ZBTB7C: variants seen among roughly 807,000 people sequenced by gnomAD.
ZBTB7C encodes the protein zinc finger and BTB domain-containing protein 7C.
A neutral mutation model predicts 25.7 loss-of-function variants in ZBTB7C; 8 were observed. The observed-to-expected ratio is 0.31, with a 90% CI of 0.18 to 0.56. The LOEUF (loss-of-function observed/expected upper bound fraction) is 0.56, where lower values mean the gene tolerates loss of function less well. Among genes scored for constraint, ZBTB7C ranks in the 20% least tolerant of loss-of-function variants. ZBTB7C has a pLI of 0.91. For missense variants in ZBTB7C, 824 were observed against 855.2 expected (o/e 0.96, Z 0.46); for synonymous variants, 394 against 369.0 (o/e 1.07, Z -0.78).
At chr18:48,353,161 G>C (rs533229087) in intron 1 of ZBTB7C, among the ~76,000 whole-genome samples, 15 of 152,180 alleles carry the variant, frequency 9.9e-5, no homozygotes, top group Non-Finnish European at 1.8e-4. Flanking sequence ...AACTCTGGGA[G>C]ATAGGTATGG....
chr18:48,388,241 CCTT>C (rs1452410444), intron 1 of ZBTB7C, among the ~76,000 whole-genome samples: 1 of 152,176 alleles, frequency 6.6e-6, no homozygotes, highest in Admixed American at 6.5e-5. Context: ...TCTCTGGTGT[CCTT>C]CTGCTGAACA....
At chr18:48,366,869 G>A (rs1034646876) in intron 1 of ZBTB7C, among the ~76,000 whole-genome samples, 1 of 152,012 alleles carries the variant, frequency 6.6e-6, no homozygotes, top group African/African-American at 2.4e-5. Context: ...ATGTGAAAGG[G>A]CACACATACA....
chr18:48,144,143 G>A (rs1451046774), intron 3 of ZBTB7C, among the ~76,000 whole-genome samples: 1 of 152,062 alleles, frequency 6.6e-6, no homozygotes, highest in African/African-American at 2.4e-5. Flanking sequence ...GCTGGACGTG[G>A]TGGTGCCTGC....
At chr18:48,265,718 G>A (rs896162030) in intron 2 of ZBTB7C, among the ~76,000 whole-genome samples, 5 of 152,286 alleles carry the variant, frequency 3.3e-5, no homozygotes, top group Middle Eastern at 3.4e-3. Context: ...AACCCTAAAT[G>A]AGGGGCACTT....
At chr18:48,246,667 C>A (rs1295280736) in intron 2 of ZBTB7C, among the ~76,000 whole-genome samples, 1 of 151,926 alleles carries the variant, frequency 6.6e-6, no homozygotes, top group African/African-American at 2.4e-5. Context: ...TAGGCATATC[C>A]TGTTAAACTA....
chr18:48,230,420 T>A (rs956370343), intron 2 of ZBTB7C, among the ~76,000 whole-genome samples: 4 of 151,448 alleles, frequency 2.6e-5, no homozygotes, highest in Non-Finnish European at 5.9e-5. Context: ...CCCTGTGTAT[T>A]CCTTTTCCTT....
At chr18:48,152,698 A>G (rs1322890141) in intron 3 of ZBTB7C, among the ~76,000 whole-genome samples, 3 of 152,230 alleles carry the variant, frequency 2.0e-5, no homozygotes, top group African/African-American at 7.2e-5. Context: ...TGGTGCAGTG[A>G]TGAAGTCAGT....
chr18:48,229,824 G>A (rs548821924), intron 2 of ZBTB7C, among the ~76,000 whole-genome samples: 3 of 152,134 alleles, frequency 2.0e-5, no homozygotes, highest in Non-Finnish European at 2.9e-5. Context: ...TCCAAGGAGC[G>A]GGGCAGGTGT....
chr18:48,145,250 A>G (rs1158999060), intron 3 of ZBTB7C, among the ~76,000 whole-genome samples: 1 of 152,156 alleles, frequency 6.6e-6, no homozygotes, highest in African/African-American at 2.4e-5. Context: ...TAGAACTTCA[A>G]TGACTTTCAA....
intron 3 of ZBTB7C, among the ~76,000 whole-genome samples, chr18:48,146,633 T>G (rs758804123): frequency 2.6e-5 from 4 of 152,246 alleles, no homozygotes; most frequent in Non-Finnish European, 5.9e-5. Context: ...GATCTAGAAC[T>G]GATTTTTAGA....
intron 1 of ZBTB7C, among the ~76,000 whole-genome samples, chr18:48,388,698 A>G (rs1440584524): frequency 5.3e-5 from 8 of 152,164 alleles, no homozygotes; most frequent in Admixed American, 5.2e-4. Flanking sequence ...ACAGTGAAAC[A>G]TGATTGCACC....
chr18:48,107,752 C>G (rs2039085731), intron 3 of ZBTB7C, among the ~76,000 whole-genome samples: 1 of 152,116 alleles, frequency 6.6e-6, no homozygotes, highest in South Asian at 2.1e-4. Flanking sequence ...AAATAACAAT[C>G]TGGGGTCACC....
At chr18:48,068,487 G>A (rs984918657) in intron 3 of ZBTB7C, among the ~76,000 whole-genome samples, 1 of 143,366 alleles carries the variant, frequency 7.0e-6, no homozygotes, top group Non-Finnish European at 1.5e-5. Flanking sequence ...CACCTCAGAA[G>A]CTGTTAAAAA....
At chr18:48,220,557 C>T (rs956289254) in intron 2 of ZBTB7C, among the ~76,000 whole-genome samples, 4 of 152,142 alleles carry the variant, frequency 2.6e-5, no homozygotes, top group East Asian at 1.9e-4. Context: ...TTCTCCTACA[C>T]GTGGGCCTGA....
intron 2 of ZBTB7C, among the ~76,000 whole-genome samples, chr18:48,275,737 G>A (rs111463945): frequency 2.7e-3 from 416 of 152,230 alleles, no homozygotes; most frequent in Middle Eastern, 0.024. Context: ...GAGGGTAAAG[G>A]GCACAGAACA....
chr18:48,051,682 GAC>G (rs2144250246), intron 3 of ZBTB7C, among the ~76,000 whole-genome samples: 1 of 152,232 alleles, frequency 6.6e-6, no homozygotes, highest in East Asian at 1.9e-4. Flanking sequence ...TTGCAAGAAA[GAC>G]AGAAAAAGTG....
At chr18:48,141,146 A>ACCCCCC (rs1377082699) in intron 3 of ZBTB7C, among the ~76,000 whole-genome samples, 1 of 81,668 alleles carries the variant, frequency 1.2e-5, no homozygotes, top group Admixed American at 1.6e-4. Context: ...CCCCCGCACC[A>ACCCCCC]CCCCCCCCAC....
At chr18:48,396,834 G>A (rs567844826) in intron 1 of ZBTB7C, among the ~76,000 whole-genome samples, 1 of 152,328 alleles carries the variant, frequency 6.6e-6, no homozygotes, top group South Asian at 2.1e-4. Flanking sequence ...GTGGTTGTCA[G>A]CAAGTCACAT....
At chr18:48,203,016 TCTCACC>T (rs1304253286) in intron 2 of ZBTB7C, among the ~76,000 whole-genome samples, 4 of 151,866 alleles carry the variant, frequency 2.6e-5, no homozygotes, top group Non-Finnish European at 5.9e-5. Context: ...GACCCCCTCT[TCTCACC>T]CTCACCCAGC....
Sources: gnomAD v4.1 joint callset for allele counts (sites outside exome capture counted in the v4.1 genomes callset) on GRCh38, gnomAD v4.1.1 for gene constraint, MANE v1.5 for transcripts, NCBI Gene and HGNC (gene_info 2026-07-23, HGNC 2026-07-21) for gene names.